Variants in DUSP14 observed in about 807,000 individuals in gnomAD.
The protein encoded by DUSP14 is dual specificity protein phosphatase 14.
A neutral mutation model predicts 13.2 loss-of-function variants in DUSP14; 5 were observed. The observed-to-expected ratio is 0.38, with a 90% CI of 0.20 to 0.80. The LOEUF is 0.80. Ranked by LOEUF, DUSP14 falls within the 30% of genes least tolerant of loss-of-function variation. The probability of loss-of-function intolerance (pLI) is 0.44; values close to 1 mark genes in which losing one functional copy is unlikely to be tolerated. For missense variants in DUSP14, 185 were observed against 264.0 expected (o/e 0.70, Z 2.07); for synonymous variants, 91 against 103.4 (o/e 0.88, Z 0.73).
rs533256343 is a variant in DUSP14, at chr17:37,511,585, CTT to C, written c.-92-579_-92-578del. Among the ~76,000 whole-genome samples the C allele has an allele frequency of 7.4e-3, 646 of 87,302 alleles. 9 individuals carry two copies. Among genetic ancestry groups the C allele is most frequent in the Middle Eastern group, 0.021 (2 of 96 alleles). The allele number at this position is 87,302 out of a possible 152,430, so 57.3% of individuals were successfully genotyped here. A position where few individuals can be genotyped will look rare whatever the true frequency, so the allele number is the denominator to read the frequency against. On this transcript the variant is annotated intron_variant, in intron 2 of 2. Transcript: ENST00000617516. ...CATGAGCTACCTCACCTGGCCTTTC[CTT>C]TTTTTTTTTTTTTTTTAGAAGCTGG...
chr17:37,501,553 T>C (rs1307026079), intron 1 of DUSP14, among the ~76,000 whole-genome samples: 1 of 152,056 alleles, frequency 6.6e-6, no homozygotes, highest in Non-Finnish European at 1.5e-5. Context: ...GAGTTTCTCA[T>C]CACCCAGGCT....
At chr17:37,508,719 G>T (rs1961897087) in intron 1 of DUSP14, among the ~76,000 whole-genome samples, 1 of 149,850 alleles carries the variant, frequency 6.7e-6, no homozygotes, top group South Asian at 2.1e-4. Flanking sequence ...GGGTGACAGA[G>T]CCAGACTCCA....
upstream of DUSP14, among the ~76,000 whole-genome samples, chr17:37,488,617 A>C (rs2148067198): frequency 6.6e-6 from 1 of 152,278 alleles, no homozygotes; most frequent in East Asian, 1.9e-4. Context: ...TCTTAGATTA[A>C]TTTTGCCTAA....
At chr17:37,508,275 GC>G (rs1400350881) in intron 1 of DUSP14, among the ~76,000 whole-genome samples, 1 of 149,406 alleles carries the variant, frequency 6.7e-6, no homozygotes, top group Non-Finnish European at 1.5e-5. Context: ...TCTCAGACGT[GC>G]CCCCGACCCG....
chr17:37,496,999 A>G (rs1449594418), intron 1 of DUSP14, among the ~76,000 whole-genome samples: 1 of 151,994 alleles, frequency 6.6e-6, no homozygotes, highest in African/African-American at 2.4e-5. Context: ...ATCATTGCTC[A>G]TACTTTATCT....
At chr17:37,496,249 C>T (rs1340831038) in intron 1 of DUSP14, among the ~76,000 whole-genome samples, 1 of 152,184 alleles carries the variant, frequency 6.6e-6, no homozygotes. Context: ...CTTGGACCGA[C>T]AACTATGTGT....
At chr17:37,492,285 TA>T (rs1354903003) in intron 1 of DUSP14, among the ~76,000 whole-genome samples, 2 of 152,240 alleles carry the variant, frequency 1.3e-5, no homozygotes, top group African/African-American at 4.8e-5. Flanking sequence ...TCTTTGCTTA[TA>T]AAGAAACGTC....
rs540950316 is a variant in DUSP14, at chr17:37,513,210, G to A, written c.*341G>A. 3.4e-4 allele frequency: 91 copies of A among 268,556 alleles called. No homozygotes were observed. Among genetic ancestry groups the A allele is most frequent in the Middle Eastern group, 1.2e-3 (1 of 810 alleles). 16.6% of individuals were successfully genotyped at this position (268,556 alleles called of 1,614,324 possible). A position where few individuals can be genotyped will look rare whatever the true frequency, so the allele number is the denominator to read the frequency against. On this transcript the variant is annotated 3_prime_UTR_variant, in exon 3 of 3. Coordinates refer to ENST00000617516, the MANE Select transcript of DUSP14 (RefSeq NM_007026.4). ...TTGGTAGGTGCAGGAGGAGCTCAGT[G>A]CAAAAATCACTTTGGGGCCTCATTA... is the stretch of plus-strand genomic sequence containing the variant.
intron 1 of DUSP14, among the ~76,000 whole-genome samples, chr17:37,490,804 G>T (rs542784973): frequency 2.0e-5 from 3 of 152,110 alleles, no homozygotes; most frequent in African/African-American, 4.8e-5. Flanking sequence ...ATAAGAGAGG[G>T]GGGTGGAGAG....
chr17:37,500,425 T>G (rs2143079433), intron 1 of DUSP14, among the ~76,000 whole-genome samples: 1 of 152,332 alleles, frequency 6.6e-6, no homozygotes, highest in East Asian at 1.9e-4. Context: ...GTTCTTTATC[T>G]TCCCTTAAAG....
chr17:37,511,315 C>T (rs768104205), intron 2 of DUSP14, among the ~76,000 whole-genome samples: 3 of 152,160 alleles, frequency 2.0e-5, no homozygotes, highest in Non-Finnish European at 4.4e-5. Flanking sequence ...GAGACAGAGT[C>T]TGTCACCCAG....
In DUSP14 at chr17:37,500,789, T is replaced by G. The variant is rs180931793; in HGVS notation, c.-180-9888T>G. Reference sequence around the variant, plus strand: ...CAGCTGTGGACTTTTGCGAGCTTTTTATTGGATATTTCACACCCGAAGACC... The same window carrying G: ...CAGCTGTGGACTTTTGCGAGCTTTTGATTGGATATTTCACACCCGAAGACC... On this transcript the variant is annotated intron_variant, in intron 1 of 2. Transcript: ENST00000617516. Among the ~76,000 whole-genome samples, 742 of 152,322 alleles carry G rather than the reference T, an allele frequency of 4.9e-3. 2 individuals are homozygous for G. The highest frequency in any genetic ancestry group is 0.01 in the Middle Eastern group (3 of 294).
At chr17:37,495,652 TTTTTTTTG>T (rs72333753) in intron 1 of DUSP14, among the ~76,000 whole-genome samples, 1 of 149,454 alleles carries the variant, frequency 6.7e-6, no homozygotes, top group Non-Finnish European at 1.5e-5. Flanking sequence ...TTAAGTTTTG[TTTTTTTTG>T]TTTTTTTGTT....
chr17:37,493,561 T>G (rs1173136553), intron 1 of DUSP14, among the ~76,000 whole-genome samples: 2 of 152,218 alleles, frequency 1.3e-5, no homozygotes, highest in Non-Finnish European at 2.9e-5. Context: ...GCCTGTCATG[T>G]GCTAGCGTAT....
chr17:37,511,921 A>ACC (rs71135738), intron 2 of DUSP14, among the ~76,000 whole-genome samples: 3 of 49,478 alleles, frequency 6.1e-5, no homozygotes, highest in African/African-American at 1.4e-4. Flanking sequence ...ATGCCCAGCC[A>ACC]CCCCCCCCCC....
rs1301103459 is a variant in DUSP14, at chr17:37,510,764, A to C, written c.-93A>C. On this transcript the variant is annotated splice_region_variant and 5_prime_UTR_variant, in exon 2 of 3. Transcript: ENST00000617516. ...GCAGCGCACACTGGACTCTTGAGGA[A>C]GTGAGTACCCCACCACTGCCTGCCT... 1 of 152,180 alleles carries C rather than the reference A, an allele frequency of 6.6e-6. No homozygotes were observed. The highest frequency in any genetic ancestry group is 6.6e-5 in the Admixed American group (1 of 15,264). 9.4% of individuals were successfully genotyped at this position (152,180 alleles called of 1,614,324 possible).
intron 1 of DUSP14, among the ~76,000 whole-genome samples, chr17:37,509,144 C>T (rs1211815988): frequency 0.23 from 8,915 of 38,724 alleles, 2,031 homozygotes; most frequent in East Asian, 0.81. Context: ...CACACACACA[C>T]ACACACACAC....
intron 1 of DUSP14, among the ~76,000 whole-genome samples, chr17:37,506,820 C>G (rs1266238777): frequency 2.6e-5 from 4 of 152,174 alleles, no homozygotes; most frequent in African/African-American, 9.7e-5. Flanking sequence ...AATGGTGTAC[C>G]AGGATGTGGC....
At chr17:37,501,439 C>T (rs925858166) in intron 1 of DUSP14, among the ~76,000 whole-genome samples, 1 of 152,132 alleles carries the variant, frequency 6.6e-6, no homozygotes, top group Admixed American at 6.5e-5. Context: ...TTGGATCACA[C>T]TTGCTAAATG....
Sources: allele counts gnomAD v4.1 joint callset (sites outside exome capture counted in the v4.1 genomes callset), GRCh38; gene constraint gnomAD v4.1.1; transcripts MANE v1.5; gene names NCBI Gene and HGNC (gene_info 2026-07-23, HGNC 2026-07-21).